ENOX1: variants seen among roughly 807,000 people sequenced by gnomAD.
ENOX1 encodes the protein candidate growth-related and time keeping constitutive hydroquinone (NADH) oxidase.
A neutral mutation model predicts 82.5 loss-of-function variants in ENOX1; 42 were observed. That is an observed-to-expected ratio of 0.51 (90% CI 0.40 to 0.66). The LOEUF (loss-of-function observed/expected upper bound fraction) is 0.66. ENOX1 is among the 30% of genes least tolerant of loss of function. The probability of loss-of-function intolerance (pLI) is 0.00; values close to 1 mark genes in which losing one functional copy is unlikely to be tolerated. For missense variants in ENOX1, 608 were observed against 811.6 expected, an observed-to-expected ratio of 0.75 and a Z score of 3.05; for synonymous variants, 271 against 282.2, an observed-to-expected ratio of 0.96 and a Z score of 0.40.
chr13:43,667,803 T>C (rs1430939488), intron 1 of ENOX1, among the ~76,000 whole-genome samples: 1 of 152,232 alleles, frequency 6.6e-6, no homozygotes, highest in Non-Finnish European at 1.5e-5. Flanking sequence ...AGAGTATTTC[T>C]GCTTTAAAAG....
intron 5 of ENOX1, among the ~76,000 whole-genome samples, chr13:43,395,865 G>T (rs141969345): frequency 6.6e-6 from 1 of 152,314 alleles, no homozygotes; most frequent in East Asian, 1.9e-4. Flanking sequence ...GGTGATGCAG[G>T]TGAGAAAATA....
At position 43,407,144 on chromosome 13, in the gene ENOX1, G is replaced by A. The variant is rs186475225; in HGVS notation, c.208+4772C>T. ...TCACACAAGAGGTGCCAAAGCTTGG[G>A]ATTTGATATTCTAGATTTCAACTTG... On this transcript the variant is annotated intron_variant, in intron 5 of 16. Coordinates refer to ENST00000690772, the MANE Select transcript of ENOX1 (RefSeq NM_001347969.2). Among the ~76,000 whole-genome samples the A allele has an allele frequency of 3.6e-3, 555 of 152,314 alleles. 7 individuals are homozygous for A. Among genetic ancestry groups the A allele is most frequent in the Non-Finnish European group, 2.7e-3 (184 of 68,032 alleles).
At chr13:43,730,198 G>A (rs146329819) in intron 1 of ENOX1, among the ~76,000 whole-genome samples, 5 of 152,334 alleles carry the variant, frequency 3.3e-5, no homozygotes, top group East Asian at 3.9e-4. Context: ...AAATACTTCT[G>A]TAGGGGAGGA....
At chr13:43,455,312 T>C (rs935551141) in intron 3 of ENOX1, among the ~76,000 whole-genome samples, 4 of 152,224 alleles carry the variant, frequency 2.6e-5, no homozygotes, top group Admixed American at 6.5e-5. Flanking sequence ...CCAGGTATGA[T>C]CTTTTACATG....
intron 2 of ENOX1, among the ~76,000 whole-genome samples, chr13:43,519,133 C>A (rs1271430326): frequency 6.6e-6 from 1 of 152,144 alleles, no homozygotes; most frequent in East Asian, 1.9e-4. Flanking sequence ...AATAACCATA[C>A]AAGTCCATTT....
intron 14 of ENOX1, among the ~76,000 whole-genome samples, chr13:43,240,238 G>T (rs2042751527): frequency 6.6e-6 from 1 of 152,134 alleles, no homozygotes; most frequent in South Asian, 2.1e-4. Context: ...CCTACTATAT[G>T]CCAAGAAGTT....
intron 9 of ENOX1, among the ~76,000 whole-genome samples, chr13:43,330,423 A>G (rs1226312486): frequency 6.6e-6 from 1 of 152,224 alleles, no homozygotes; most frequent in African/African-American, 2.4e-5. Flanking sequence ...CCACTTACTT[A>G]TTCAAGAAAG....
intron 11 of ENOX1, among the ~76,000 whole-genome samples, chr13:43,315,919 C>A (rs942546656): frequency 6.6e-6 from 1 of 152,164 alleles, no homozygotes; most frequent in African/African-American, 2.4e-5. Flanking sequence ...TAATGGTGTT[C>A]CTGGCAGTCA....
intron 1 of ENOX1, among the ~76,000 whole-genome samples, chr13:43,704,377 A>G (rs568665427): frequency 6.6e-6 from 1 of 152,308 alleles, no homozygotes; most frequent in African/African-American, 2.4e-5. Context: ...CTTTGCTGAA[A>G]ATAGGTACAA....
chr13:43,355,845 G>T (rs1037908454), intron 8 of ENOX1, 74 bp downstream of exon 8: 12 of 1,400,214 alleles, frequency 8.6e-6, no homozygotes, highest in Non-Finnish European at 1.1e-5. Context: ...AATGGTGGAC[G>T]CAGGAGAAAC....
intron 2 of ENOX1, among the ~76,000 whole-genome samples, chr13:43,664,690 G>A (rs1272462258): frequency 6.6e-6 from 1 of 152,206 alleles, no homozygotes; most frequent in Admixed American, 6.5e-5. Context: ...CTCTAATCAA[G>A]GGTAGTAAGC....
chr13:43,259,954 C>T (rs1159993463), intron 14 of ENOX1, among the ~76,000 whole-genome samples: 1 of 152,144 alleles, frequency 6.6e-6, no homozygotes, highest in Non-Finnish European at 1.5e-5. Context: ...AGATACGGTC[C>T]CATTCTTTCG....
chr13:43,254,450 C>T (rs755351315), intron 14 of ENOX1, among the ~76,000 whole-genome samples: 1 of 151,810 alleles, frequency 6.6e-6, no homozygotes, highest in Non-Finnish European at 1.5e-5. Flanking sequence ...CATTATTTAC[C>T]AAGTAGGGGC....
At chr13:43,654,550 G>T (rs972417274) in intron 2 of ENOX1, among the ~76,000 whole-genome samples, 1 of 152,158 alleles carries the variant, frequency 6.6e-6, no homozygotes. Flanking sequence ...TGGTGGATGG[G>T]TAAGTGCTGG....
chr13:43,363,618 T>C lies in ENOX1; in HGVS notation c.209-2166A>G, dbSNP rs577080717. Among the ~76,000 whole-genome samples the C allele has an allele frequency of 1.1e-3, 163 of 152,308 alleles. 1 individual carries two copies. Among genetic ancestry groups the C allele is most frequent in the African/African-American group, 3.8e-3 (156 of 41,554 alleles). ...AATCTCATTCCGTACATCGGCTTCA[T>C]CTGTTTTTTTCCTGGCCTGGCCCTC... On this transcript the variant is annotated intron_variant, in intron 5 of 16. Coordinates refer to ENST00000690772, the MANE Select transcript of ENOX1 (RefSeq NM_001347969.2).
At chr13:43,686,874 A>C (rs112345523) in intron 1 of ENOX1, among the ~76,000 whole-genome samples, 197 of 152,266 alleles carry the variant, frequency 1.3e-3, no homozygotes, top group African/African-American at 4.5e-3. Flanking sequence ...CTCGTGGAAA[A>C]CAGCATACTC....
At chr13:43,433,819 G>C (rs1355470806) in intron 3 of ENOX1, among the ~76,000 whole-genome samples, 1 of 152,184 alleles carries the variant, frequency 6.6e-6, no homozygotes, top group Non-Finnish European at 1.5e-5. Flanking sequence ...CCAGGGGCAT[G>C]GCAACCATGA....
chr13:43,370,405 A>G (rs1271186746), intron 5 of ENOX1, among the ~76,000 whole-genome samples: 1 of 151,278 alleles, frequency 6.6e-6, no homozygotes, highest in East Asian at 1.9e-4. Context: ...ATCTTCTTAG[A>G]CTCCCTCCCC....
intron 3 of ENOX1, among the ~76,000 whole-genome samples, chr13:43,434,937 G>GTTTGTTTTTTTTTT (rs1555273075): frequency 4.0e-5 from 3 of 75,864 alleles, no homozygotes; most frequent in Non-Finnish European, 2.5e-5. Flanking sequence ...TGTGTGTGTG[G>GTTTGTTTTTTTTTT]TTTTTTTTTT....
Sources: gnomAD v4.1 joint callset for allele counts (sites outside exome capture counted in the v4.1 genomes callset) on GRCh38, gnomAD v4.1.1 for gene constraint, MANE v1.5 for transcripts, NCBI Gene and HGNC (gene_info 2026-07-23, HGNC 2026-07-21) for gene names.